SH3GL3: variants seen among roughly 807,000 people sequenced by gnomAD.
SH3GL3 encodes SH3 domain containing GRB2 like 3, endophilin A3.
In SH3GL3, 33 loss-of-function variants were observed where a neutral mutation model predicts 47.7. The ratio of observed to expected loss-of-function variants is 0.69; its 90% confidence interval spans 0.52 to 0.92. The LOEUF is 0.92. Among genes scored for constraint, SH3GL3 ranks in the 40% least tolerant of loss-of-function variants. The pLI, the probability that SH3GL3 is intolerant of heterozygous loss-of-function variation, is 0.00. For synonymous variants in SH3GL3, 155 were observed against 148.8 expected (o/e 1.04, Z -0.30); for missense variants, 363 against 417.8 (o/e 0.87, Z 1.14).
chr15:83,610,950 C>T (rs2060644200), intron 8 of SH3GL3, among the ~76,000 whole-genome samples: 1 of 150,902 alleles, frequency 6.6e-6, no homozygotes, highest in Non-Finnish European at 1.5e-5. Flanking sequence ...TGCAAGTAAC[C>T]CTTTGCAGCA....
At chr15:83,556,570 C>T (rs1382092737) in intron 1 of SH3GL3, among the ~76,000 whole-genome samples, 2 of 152,154 alleles carry the variant, frequency 1.3e-5, no homozygotes, top group Non-Finnish European at 1.5e-5. Context: ...AAAGGGATTT[C>T]GGGTCCAACT....
chr15:83,624,715 T>C, the SH3GL3 span, among the ~76,000 whole-genome samples: 9,150 of 152,198 alleles, frequency 0.06, 903 homozygotes, highest in African/African-American at 0.21. Flanking sequence ...TTAAGGCTCC[T>C]TGGGAGGCCA....
At chr15:83,491,509 G>A (rs960577334) in intron 1 of SH3GL3, among the ~76,000 whole-genome samples, 1 of 152,222 alleles carries the variant, frequency 6.6e-6, no homozygotes, top group South Asian at 2.1e-4. Flanking sequence ...ACACCTCTCT[G>A]CTTTGGAATT....
Position 83,576,610 on chromosome 15 carries a change from C to G in SH3GL3, c.493C>G (p.Arg165Gly). ...TCACCTGAAAAAGCTGGAAGGCCGCCGCCTGGATTACGATTATAAAAAGAA... is the reference window on the plus strand; with the variant it reads ...TCACCTGAAAAAGCTGGAAGGCCGCGGCCTGGATTACGATTATAAAAAGAA... Reference protein sequence around the residue: ...GHHLKKLEGRRLDYDYKKKRV... With the variant: ...GHHLKKLEGRGLDYDYKKKRV... Residue 165 changes from arginine (R) to glycine (G), a missense_variant, in exon 6 of 9, where the codon CGC becomes GGC. Arg to Gly is a moderately radical substitution (Grantham distance 125). Coordinates refer to ENST00000427482, the MANE Select transcript of SH3GL3 (RefSeq NM_003027.5). 1 of 1,610,420 alleles carries G rather than the reference C, an allele frequency of 6.2e-7. No individual in the cohort carries two copies. The highest frequency in any genetic ancestry group is 1.1e-5 in the South Asian group (1 of 90,478).
chr15:83,590,706 CT>C (rs1458627733), intron 8 of SH3GL3, among the ~76,000 whole-genome samples: 2 of 152,188 alleles, frequency 1.3e-5, no homozygotes, highest in Non-Finnish European at 2.9e-5. Flanking sequence ...TATTTGCCAT[CT>C]GTGTATCCTC....
chr15:83,554,509 G>A (rs2044840622), intron 1 of SH3GL3, among the ~76,000 whole-genome samples: 1 of 151,844 alleles, frequency 6.6e-6, no homozygotes, highest in South Asian at 2.1e-4. Flanking sequence ...ACAGTTTAGG[G>A]AGACAGAAAA....
intron 1 of SH3GL3, among the ~76,000 whole-genome samples, chr15:83,527,333 T>C (rs1157399271): frequency 6.6e-6 from 1 of 152,200 alleles, no homozygotes; most frequent in Non-Finnish European, 1.5e-5. Flanking sequence ...CCACTATTAT[T>C]GTATTGGAGT....
rs915148193 is a variant in SH3GL3, at chr15:83,581,791, A to G, written c.624+5050A>G. On this transcript the variant is annotated intron_variant, in intron 6 of 8. Coordinates refer to ENST00000427482, the MANE Select transcript of SH3GL3 (RefSeq NM_003027.5). The stretch of plus-strand genomic sequence containing the variant: ...AACTGGGAATGGGAGAATGAAGAAG[A>G]GTCTCCTTCGGCCCCACACTGTAGC... 6.6e-5 allele frequency among the ~76,000 whole-genome samples: 10 copies of G among 152,230 alleles called. 1 individual carries two copies. Among genetic ancestry groups the G allele is most frequent in the African/African-American group, 1.9e-4 (8 of 41,460 alleles).
chr15:83,486,576 T>C (rs1171306062), intron 1 of SH3GL3, among the ~76,000 whole-genome samples: 1 of 152,238 alleles, frequency 6.6e-6, no homozygotes, highest in African/African-American at 2.4e-5. Context: ...ATCAGTACTT[T>C]ATTCCTTTTC....
chr15:83,543,125 G>T (rs113551587), intron 1 of SH3GL3, among the ~76,000 whole-genome samples: 77 of 152,034 alleles, frequency 5.1e-4, no homozygotes, highest in African/African-American at 1.4e-3. Context: ...TGTTGTATAT[G>T]GCTTTTATTG....
chr15:83,490,710 G>A, intron 1 of SH3GL3: 6 of 1,494,994 alleles, frequency 4.0e-6, no homozygotes, highest in Non-Finnish European at 5.4e-6. Context: ...GCTCTCACAA[G>A]GGCAATATCA....
intron 1 of SH3GL3, among the ~76,000 whole-genome samples, chr15:83,503,165 A>G (rs989116424): frequency 2.6e-5 from 4 of 152,218 alleles, no homozygotes; most frequent in African/African-American, 4.8e-5. Flanking sequence ...AAATACAAAA[A>G]AAGAAAAAAA....
chr15:83,518,540 T>C (rs1274530998), intron 1 of SH3GL3, among the ~76,000 whole-genome samples: 3 of 152,260 alleles, frequency 2.0e-5, no homozygotes, highest in Non-Finnish European at 2.9e-5. Flanking sequence ...ATGTCTTCTT[T>C]TGAAAAGTGT....
chr15:83,572,792 T>G, intron 5 of SH3GL3, 94 bp downstream of exon 5: 1 of 888,104 alleles, frequency 1.1e-6, no homozygotes, highest in Admixed American at 2.5e-5. Context: ...GAAAGCATCA[T>G]CTTATGATGC....
intron 2 of SH3GL3, among the ~76,000 whole-genome samples, chr15:83,564,094 G>A (rs547199539): frequency 6.6e-6 from 1 of 152,240 alleles, no homozygotes; most frequent in South Asian, 2.1e-4. Context: ...TTCAGGTCCT[G>A]GTTAGAAGTT....
intron 1 of SH3GL3, among the ~76,000 whole-genome samples, chr15:83,550,470 A>C (rs1454563622): frequency 6.6e-6 from 1 of 151,944 alleles, no homozygotes; most frequent in Non-Finnish European, 1.5e-5. Flanking sequence ...AACTCACCGC[A>C]CCTCCACCTC....
intron 6 of SH3GL3, among the ~76,000 whole-genome samples, chr15:83,582,707 G>A (rs367693399): frequency 3.5e-4 from 54 of 152,290 alleles, no homozygotes; most frequent in African/African-American, 6.5e-4. Flanking sequence ...TATTGAACTT[G>A]TAGAAAGCAT....
At chr15:83,530,616 GT>G (rs35185131) in intron 1 of SH3GL3, among the ~76,000 whole-genome samples, 31 of 142,340 alleles carry the variant, frequency 2.2e-4, no homozygotes, top group Admixed American at 4.2e-4. Context: ...CAGGTCAACT[GT>G]TTTTTTTTTT....
At chr15:83,608,400 T>C (rs1320788755) in intron 8 of SH3GL3, among the ~76,000 whole-genome samples, 1 of 152,134 alleles carries the variant, frequency 6.6e-6, no homozygotes, top group Non-Finnish European at 1.5e-5. Flanking sequence ...CTCTTACCCA[T>C]GGACAAAAAC....
Sources: allele counts gnomAD v4.1 joint callset (sites outside exome capture counted in the v4.1 genomes callset), GRCh38; gene constraint gnomAD v4.1.1; transcripts MANE v1.5; gene names NCBI Gene and HGNC (gene_info 2026-07-23, HGNC 2026-07-21).